The following DPP6 variants were observed in gnomAD, a reference collection of about 807,000 sequenced individuals.
The protein encoded by DPP6 is dipeptidyl peptidase like 6, also known as A-type potassium channel modulatory protein DPP6.
DPP6 carries 69 observed loss-of-function variants against 122.6 expected under a neutral mutation model. The observed-to-expected ratio is 0.56, with a 90% CI of 0.46 to 0.69. The LOEUF is 0.69. Ranked by LOEUF, DPP6 falls within the 30% of genes least tolerant of loss-of-function variation. DPP6 has a pLI of 0.00. For missense variants in DPP6, 928 were observed against 1,116.9 expected (o/e 0.83, Z 2.41); for synonymous variants, 418 against 433.1 (o/e 0.97, Z 0.43).
the DPP6 span, among the ~76,000 whole-genome samples, chr7:153,879,099 G>A: frequency 6.6e-6 from 1 of 152,182 alleles, no homozygotes; most frequent in Non-Finnish European, 1.5e-5. Flanking sequence ...CAGAGAAGGG[G>A]TTTAGCTGTG....
chr7:154,523,667 T>G (rs1211382939), intron 3 of DPP6, among the ~76,000 whole-genome samples: 1 of 152,234 alleles, frequency 6.6e-6, no homozygotes, highest in Non-Finnish European at 1.5e-5. Context: ...TCCTCTTTTT[T>G]CTGTGATATA....
intron 1 of DPP6, among the ~76,000 whole-genome samples, chr7:154,217,335 G>A (rs1228731821): frequency 3.9e-5 from 6 of 152,130 alleles, no homozygotes; most frequent in African/African-American, 9.7e-5. Flanking sequence ...AATTTCAAGC[G>A]TTGGTTTGCA....
chr7:153,965,670 G>C (rs375320214), intron 1 of DPP6, among the ~76,000 whole-genome samples: 1 of 151,898 alleles, frequency 6.6e-6, no homozygotes. Flanking sequence ...CCACCACCAC[G>C]CCTGGCTAAT....
chr7:153,754,727 T>TTC, the DPP6 span, among the ~76,000 whole-genome samples: 3 of 152,186 alleles, frequency 2.0e-5, no homozygotes, highest in Non-Finnish European at 4.4e-5. Context: ...CAAGATACTT[T>TTC]TCTCTCTCTT....
chr7:154,794,280 G>A, intron 11 of DPP6, 78 bp downstream of exon 11: 2 of 1,467,688 alleles, frequency 1.4e-6, no homozygotes, highest in African/African-American at 1.4e-5. Context: ...CGCCAGAGTC[G>A]TCTCAGCCCT....
chr7:154,454,773 G>A (rs911427110), intron 2 of DPP6, among the ~76,000 whole-genome samples: 13 of 152,170 alleles, frequency 8.5e-5, no homozygotes, highest in Non-Finnish European at 1.5e-4. Flanking sequence ...ATCGTTGGAA[G>A]GAAAGAAAGG....
intron 1 of DPP6, among the ~76,000 whole-genome samples, chr7:154,366,569 G>A (rs551503823): frequency 2.0e-5 from 3 of 152,334 alleles, no homozygotes; most frequent in South Asian, 4.1e-4. Context: ...CTGGTCCGCG[G>A]CAGGATTCCT....
chr7:154,422,140 G>C (rs12333949), intron 1 of DPP6, among the ~76,000 whole-genome samples: 2,389 of 152,266 alleles, frequency 0.016, 70 homozygotes, highest in African/African-American at 0.055. Context: ...AGGATCTGTG[G>C]GAATAAATAC....
Position 154,100,887 on chromosome 7 carries a change from T to C in DPP6, c.243+47824T>C, listed in dbSNP as rs532337276. On this transcript the variant is annotated intron_variant, in intron 1 of 25. Transcript: ENST00000377770. ...GATCAACAAAAAGCCTGCTGGGCCT[T>C]TAAGACAGGCCTCAAACCACCTCTG... Among the ~76,000 whole-genome samples the C allele has an allele frequency of 1.4e-5, 2 of 143,520 alleles. 1 individual carries two copies. Among genetic ancestry groups the C allele is most frequent in the Admixed American group, 1.4e-4 (2 of 14,286 alleles). 94.2% of individuals were successfully genotyped at this position (143,520 alleles called of 152,430 possible). A position where few individuals can be genotyped will look rare whatever the true frequency, so the allele number is the denominator to read the frequency against.
the DPP6 span, among the ~76,000 whole-genome samples, chr7:153,815,451 T>C: frequency 4.6e-5 from 7 of 152,254 alleles, 1 homozygote; most frequent in Admixed American, 3.9e-4. Context: ...ATGTGCCATG[T>C]TGGTGTGCTG....
At chr7:154,214,889 G>A (rs919058125) in intron 1 of DPP6, among the ~76,000 whole-genome samples, 5 of 152,186 alleles carry the variant, frequency 3.3e-5, no homozygotes, top group African/African-American at 1.2e-4. Context: ...CTGCACTGTA[G>A]CCTGGGTGAC....
At chr7:153,823,368 A>AG in the DPP6 span, among the ~76,000 whole-genome samples, 1 of 149,102 alleles carries the variant, frequency 6.7e-6, no homozygotes, top group Admixed American at 6.6e-5. Flanking sequence ...CACCTTCCAC[A>AG]GGGGGCCTCT....
intron 1 of DPP6, among the ~76,000 whole-genome samples, chr7:154,382,069 T>C (rs541469676): frequency 2.1e-5 from 2 of 93,034 alleles, no homozygotes; most frequent in African/African-American, 9.1e-5. Context: ...CCCCTTTTTT[T>C]TTCCTTTTTT....
chr7:154,015,174 A>G (rs1798343883), intron 1 of DPP6, among the ~76,000 whole-genome samples: 6 of 151,892 alleles, frequency 4.0e-5, no homozygotes, highest in Middle Eastern at 3.4e-3. Flanking sequence ...CCTTTATCTA[A>G]TTTTACTTTT....
At chr7:154,662,554 A>C (rs368995049) in intron 6 of DPP6, among the ~76,000 whole-genome samples, 379 of 17,450 alleles carry the variant, frequency 0.022, 31 homozygotes, top group African/African-American at 0.093. Context: ...ATGGCGTATC[A>C]GCCGTAGTGT....
chr7:154,685,639 C>T (rs3807234), intron 7 of DPP6, among the ~76,000 whole-genome samples: 128,396 of 151,848 alleles, frequency 0.85, 54,405 homozygotes, highest in South Asian at 0.93. Flanking sequence ...AATCACCAGG[C>T]CCATCACAAG....
chr7:154,611,007 A>C (rs1485683415), intron 5 of DPP6, among the ~76,000 whole-genome samples: 1 of 152,202 alleles, frequency 6.6e-6, no homozygotes, highest in Non-Finnish European at 1.5e-5. Context: ...GCTGCCTGTT[A>C]AATTCATTTA....
chr7:154,131,494 T>C (rs1309503751), intron 1 of DPP6, among the ~76,000 whole-genome samples: 5 of 152,286 alleles, frequency 3.3e-5, no homozygotes, highest in African/African-American at 1.2e-4. Context: ...TCAGTGTGAT[T>C]GGGAAGGCCC....
At chr7:154,748,175 G>T (rs1050179406) in intron 8 of DPP6, among the ~76,000 whole-genome samples, 1 of 152,188 alleles carries the variant, frequency 6.6e-6, no homozygotes, top group Non-Finnish European at 1.5e-5. Context: ...CACAGAAAAG[G>T]GTGATGGGCA....
Sources: allele counts gnomAD v4.1 joint callset (sites outside exome capture counted in the v4.1 genomes callset), GRCh38; gene constraint gnomAD v4.1.1; transcripts MANE v1.5; gene names NCBI Gene and HGNC (gene_info 2026-07-23, HGNC 2026-07-21).